Variants in DISC1 observed in about 807,000 individuals in gnomAD.
DISC1 encodes disrupted in schizophrenia 1 protein.
DISC1 carries 57 observed loss-of-function variants against 84.5 expected under a neutral mutation model. The ratio of observed to expected loss-of-function variants is 0.67; its 90% CI spans 0.55 to 0.84. The LOEUF is 0.84. Among genes scored for constraint, DISC1 ranks in the 40% least tolerant of loss-of-function variants. The pLI, the probability that DISC1 is intolerant of heterozygous loss-of-function variation, is 0.00. For synonymous variants in DISC1, 411 were observed against 415.2 expected (o/e 0.99, Z 0.12); for missense variants, 1,000 against 1,057.8 (o/e 0.95, Z 0.76).
At chr1:231,646,273 G>A (rs1248357977) in intron 1 of DISC1, among the ~76,000 whole-genome samples, 1 of 151,528 alleles carries the variant, frequency 6.6e-6, no homozygotes, top group Non-Finnish European at 1.5e-5. Context: ...TTGTCCTTGC[G>A]ATAGTTTGCT....
intron 6 of DISC1, among the ~76,000 whole-genome samples, chr1:231,789,776 G>T (rs943905446): frequency 6.6e-6 from 1 of 151,970 alleles, no homozygotes; most frequent in Non-Finnish European, 1.5e-5. Context: ...TCTAATTACG[G>T]CTGAAAAGCA....
chr1:231,853,384 T>C (rs2084036886), intron 9 of DISC1, among the ~76,000 whole-genome samples: 1 of 152,202 alleles, frequency 6.6e-6, no homozygotes, highest in Admixed American at 6.5e-5. Context: ...CCAGGCTACG[T>C]GGTGCAGCCT....
chr1:231,982,506 C>T (rs1013456867), intron 10 of DISC1, among the ~76,000 whole-genome samples: 2 of 152,186 alleles, frequency 1.3e-5, no homozygotes, highest in Admixed American at 6.5e-5. Flanking sequence ...ACACCATCTT[C>T]GCTCTCTTGA....
chr1:231,650,684 C>T (rs938772447), intron 1 of DISC1, among the ~76,000 whole-genome samples: 4 of 152,234 alleles, frequency 2.6e-5, no homozygotes, highest in African/African-American at 9.6e-5. Flanking sequence ...TTCTCCCCGT[C>T]ACTTTCAGGT....
chr1:231,862,854 GCA>G (rs576477025), intron 9 of DISC1, among the ~76,000 whole-genome samples: 116 of 152,268 alleles, frequency 7.6e-4, no homozygotes, highest in Non-Finnish European at 1.3e-3. Context: ...CGTGTGTCAG[GCA>G]CAGTTGGGAA....
Position 231,750,057 on chromosome 1 carries a change from C to A in DISC1, c.1249C>A (p.Arg417Ser), listed in dbSNP as rs193024019. Residue 417 changes from arginine (R) to serine (S), a missense_variant, in exon 4 of 13, where the codon CGC becomes AGC. By Grantham distance (110) the Arg-to-Ser change is moderately radical (BLOSUM62 -1). Transcript: ENST00000439617. ...HLAAQVQAALRRGATQQASGD... is the reference protein window; with the variant it reads ...HLAAQVQAALSRGATQQASGD... Reference sequence around the variant, plus strand: ...GGCAGCACAAGTCCAGGCTGCCTTGCGCCGTGGGGCCACTCAGCAGTGAGT... The same window carrying A: ...GGCAGCACAAGTCCAGGCTGCCTTGAGCCGTGGGGCCACTCAGCAGTGAGT... 4 of 1,614,074 alleles carry A rather than the reference C, an allele frequency of 2.5e-6. No homozygotes were observed. The highest frequency in any genetic ancestry group is 2.2e-5 in the East Asian group (1 of 44,874).
chr1:231,840,964 T>C (rs2083008512), intron 9 of DISC1, among the ~76,000 whole-genome samples: 3 of 152,210 alleles, frequency 2.0e-5, no homozygotes, highest in Admixed American at 2.0e-4. Context: ...ACCACGTGCT[T>C]TACCTGTCTT....
At chr1:231,783,479 C>T (rs1359170120) in intron 6 of DISC1, among the ~76,000 whole-genome samples, 1 of 151,996 alleles carries the variant, frequency 6.6e-6, no homozygotes, top group Non-Finnish European at 1.5e-5. Context: ...GTCTGTAAGT[C>T]AAAATGTTTT....
At chr1:231,776,265 T>G (rs2076957780) in intron 6 of DISC1, among the ~76,000 whole-genome samples, 1 of 152,208 alleles carries the variant, frequency 6.6e-6, no homozygotes, top group Non-Finnish European at 1.5e-5. Context: ...CTAACATTCT[T>G]TAGAAATGCT....
intron 10 of DISC1, among the ~76,000 whole-genome samples, chr1:231,988,448 C>A (rs192826975): frequency 1.3e-5 from 2 of 152,196 alleles, no homozygotes; most frequent in African/African-American, 2.4e-5. Flanking sequence ...ACCTAATCCC[C>A]AGTGCAATGA....
intron 9 of DISC1, among the ~76,000 whole-genome samples, chr1:231,862,288 C>T (rs1033179612): frequency 2.4e-4 from 37 of 152,172 alleles, no homozygotes; most frequent in African/African-American, 8.7e-4. Flanking sequence ...AGACGGAATG[C>T]TGCCTCTGAG....
chr1:231,835,525 A>G (rs947388455), intron 9 of DISC1, among the ~76,000 whole-genome samples: 1 of 152,180 alleles, frequency 6.6e-6, no homozygotes, highest in African/African-American at 2.4e-5. Context: ...TTAAGGCAGG[A>G]ACAGGCCATT....
intron 9 of DISC1, among the ~76,000 whole-genome samples, chr1:231,904,173 C>T (rs2088437846): frequency 6.6e-6 from 1 of 152,190 alleles, no homozygotes; most frequent in African/African-American, 2.4e-5. Context: ...AGGCTTTGCT[C>T]ATCCTGTGGG....
chr1:231,653,920 C>A (rs990853869), intron 1 of DISC1, among the ~76,000 whole-genome samples: 4 of 152,204 alleles, frequency 2.6e-5, no homozygotes, highest in African/African-American at 9.7e-5. Flanking sequence ...CCATTTAGAA[C>A]AGAGTAAAGA....
At chr1:231,787,412 G>C (rs1172277712) in intron 6 of DISC1, among the ~76,000 whole-genome samples, 2 of 152,118 alleles carry the variant, frequency 1.3e-5, no homozygotes, top group Admixed American at 1.3e-4. Flanking sequence ...GTGAGAGTGA[G>C]AGCATGTGTG....
chr1:231,640,744 C>T (rs765834886), intron 1 of DISC1, among the ~76,000 whole-genome samples: 3 of 152,032 alleles, frequency 2.0e-5, no homozygotes, highest in East Asian at 1.9e-4. Context: ...CTATGTTACC[C>T]GGGCTGGTCT....
intron 3 of DISC1, chr1:231,722,467 T>C: frequency 6.2e-7 from 1 of 1,607,492 alleles, no homozygotes; most frequent in East Asian, 2.2e-5. Flanking sequence ...GTGCTTCAAA[T>C]ACTGTTAGTC....
At chr1:231,710,007 A>T (rs141882553) in intron 3 of DISC1, among the ~76,000 whole-genome samples, 15 of 152,114 alleles carry the variant, frequency 9.9e-5, no homozygotes, top group Non-Finnish European at 1.9e-4. Context: ...TGGCCCTAAG[A>T]CCTCAGCTGC....
intron 9 of DISC1, among the ~76,000 whole-genome samples, chr1:231,950,445 C>T (rs1426698779): frequency 6.6e-6 from 1 of 152,160 alleles, no homozygotes; most frequent in African/African-American, 2.4e-5. Context: ...ATGCCTGCTG[C>T]TGTCAGCAGG....
Sources: allele counts gnomAD v4.1 joint callset (sites outside exome capture counted in the v4.1 genomes callset), GRCh38; gene constraint gnomAD v4.1.1; transcripts MANE v1.5; gene names NCBI Gene and HGNC (gene_info 2026-07-23, HGNC 2026-07-21).